Variants in DYRK1A observed in about 807,000 individuals in gnomAD.
DYRK1A encodes dual specificity tyrosine phosphorylation regulated kinase 1A.
In DYRK1A, 9 loss-of-function variants were observed where a neutral mutation model predicts 79.7. The ratio of observed to expected loss-of-function variants is 0.11; its 90% CI spans 0.07 to 0.20. The LOEUF (loss-of-function observed/expected upper bound fraction) is 0.20. Ranked by LOEUF, DYRK1A falls within the 10% of genes least tolerant of loss-of-function variation. DYRK1A has a pLI of 1.00. For synonymous variants in DYRK1A, 349 were observed against 329.7 expected (o/e 1.06, Z -0.63); for missense variants, 622 against 956.0 (o/e 0.65, Z 4.61).
intron 1 of DYRK1A, among the ~76,000 whole-genome samples, chr21:37,399,336 G>C (rs2050013528): frequency 6.6e-6 from 1 of 152,164 alleles, no homozygotes; most frequent in Non-Finnish European, 1.5e-5. Flanking sequence ...TGACAAGAGT[G>C]TGATTGCTGC....
intron 11 of DYRK1A, among the ~76,000 whole-genome samples, 159 bp from the exon 12 acceptor site, chr21:37,511,752 G>T (rs2053754660): frequency 6.6e-6 from 1 of 152,134 alleles, no homozygotes; most frequent in Non-Finnish European, 1.5e-5. Flanking sequence ...ATGTATTTGG[G>T]ATTTTGTGTT....
intron 2 of DYRK1A, among the ~76,000 whole-genome samples, chr21:37,438,014 G>A (rs1428341993): frequency 2.6e-5 from 4 of 152,074 alleles, no homozygotes; most frequent in Non-Finnish European, 5.9e-5. Flanking sequence ...ATATTTGGTG[G>A]TCAGCCTTTT....
At chr21:37,374,845 G>T (rs973122954) in intron 1 of DYRK1A, among the ~76,000 whole-genome samples, 1 of 152,206 alleles carries the variant, frequency 6.6e-6, no homozygotes, top group Non-Finnish European at 1.5e-5. Context: ...GAGCCACTGG[G>T]CCTAGCTGGA....
chr21:37,451,365 C>CTCCACCCAT (rs1555970089), intron 2 of DYRK1A, among the ~76,000 whole-genome samples: 1 of 140,476 alleles, frequency 7.1e-6, no homozygotes, highest in Non-Finnish European at 1.6e-5. Context: ...TCCATCCCTC[C>CTCCACCCAT]CTCCCTCCAT....
At chr21:37,382,947 T>G (rs563368177) in intron 1 of DYRK1A, among the ~76,000 whole-genome samples, 3 of 152,228 alleles carry the variant, frequency 2.0e-5, no homozygotes, top group Non-Finnish European at 2.9e-5. Flanking sequence ...GTTCATTAGT[T>G]TTTTTGGATT....
intron 11 of DYRK1A, among the ~76,000 whole-genome samples, chr21:37,508,542 C>T (rs9984718): frequency 4.5e-4 from 69 of 152,356 alleles, no homozygotes; most frequent in South Asian, 1.7e-3. Context: ...CCATCTCGGC[C>T]TCCCAAAGTG....
intron 2 of DYRK1A, among the ~76,000 whole-genome samples, chr21:37,466,348 C>T (rs1463224611): frequency 6.6e-6 from 1 of 151,970 alleles, no homozygotes; most frequent in South Asian, 2.1e-4. Context: ...GATGCATAAT[C>T]TTTTGTAATA....
chr21:37,480,931 T>G, intron 5 of DYRK1A, 105 bp downstream of exon 5: 6 of 871,362 alleles, frequency 6.9e-6, no homozygotes, highest in Non-Finnish European at 1.0e-5. Flanking sequence ...TATTTGCAAA[T>G]AGAGCTCAGC....
intron 1 of DYRK1A, among the ~76,000 whole-genome samples, chr21:37,386,849 C>T (rs572397428): frequency 6.6e-6 from 1 of 152,280 alleles, no homozygotes; most frequent in African/African-American, 2.4e-5. Context: ...TCAGATGCAA[C>T]AGTGCCCATG....
At chr21:37,390,498 A>G (rs746696426) in intron 1 of DYRK1A, among the ~76,000 whole-genome samples, 3 of 152,170 alleles carry the variant, frequency 2.0e-5, no homozygotes, top group Non-Finnish European at 4.4e-5. Context: ...CGTTTTTGGC[A>G]GTTGCCCCCA....
intron 11 of DYRK1A, among the ~76,000 whole-genome samples, chr21:37,509,762 A>G (rs1039620131): frequency 2.6e-5 from 4 of 152,128 alleles, no homozygotes; most frequent in Admixed American, 6.5e-5. Flanking sequence ...TTCATTTCCA[A>G]CCTTTTTTAC....
At chr21:37,426,952 A>G (rs1239623428) in intron 2 of DYRK1A, among the ~76,000 whole-genome samples, 3 of 151,964 alleles carry the variant, frequency 2.0e-5, no homozygotes, top group African/African-American at 7.2e-5. Context: ...AATAACCAAG[A>G]AGAAATGAAG....
chr21:37,383,017 T>C (rs948362967), intron 1 of DYRK1A, among the ~76,000 whole-genome samples: 2 of 152,220 alleles, frequency 1.3e-5, no homozygotes, highest in African/African-American at 4.8e-5. Context: ...TAGGAGTCTT[T>C]GTGAGAGGGA....
intron 2 of DYRK1A, chr21:37,464,257 T>C (rs775308652): frequency 1.5e-5 from 7 of 477,622 alleles, no homozygotes; most frequent in Non-Finnish European, 2.9e-5. Flanking sequence ...TTATGAAATA[T>C]TTCTCTGTAG....
intron 5 of DYRK1A, among the ~76,000 whole-genome samples, chr21:37,483,142 A>C (rs903753465): frequency 2.0e-4 from 30 of 152,216 alleles, no homozygotes; most frequent in Non-Finnish European, 1.3e-4. Context: ...TGATTGGGGA[A>C]GTGATAAGTG....
At chr21:37,415,295 T>A in intron 1 of DYRK1A, among the ~76,000 whole-genome samples, 1 of 152,308 alleles carries the variant, frequency 6.6e-6, no homozygotes, top group South Asian at 2.1e-4. Flanking sequence ...CTAGCCTCTT[T>A]AACACAAATT....
rs924627048 is a variant in DYRK1A, at chr21:37,520,608, G to A, written c.*8077G>A. ...CTATACATGATTTGCATTACAATGG[G>A]CCGTGGATTTGGATGGATGATGAAG... On this transcript the variant is annotated 3_prime_UTR_variant, in exon 12 of 12. Coordinates refer to ENST00000647188, the MANE Select transcript of DYRK1A (RefSeq NM_001347721.2). 2.0e-5 allele frequency: 3 copies of A among 152,200 alleles called. No individual in the cohort carries two copies. The highest frequency in any genetic ancestry group is 7.2e-5 in the African/African-American group (3 of 41,454). The allele number at this position is 152,200 out of a possible 1,614,324, so 9.4% of individuals were successfully genotyped here.
At chr21:37,478,444 A>G in intron 4 of DYRK1A, 144 bp downstream of exon 4, 1 of 615,224 alleles carries the variant, frequency 1.6e-6, no homozygotes. Context: ...TTTAGAAATA[A>G]TATTACAATT....
At chr21:37,509,259 A>G (rs2053685498) in intron 11 of DYRK1A, among the ~76,000 whole-genome samples, 5 of 152,218 alleles carry the variant, frequency 3.3e-5, no homozygotes, top group Admixed American at 3.3e-4. Context: ...CTTTGTACAC[A>G]AATAGTACCA....
Sources: gnomAD v4.1 joint callset for allele counts (sites outside exome capture counted in the v4.1 genomes callset) on GRCh38, gnomAD v4.1.1 for gene constraint, MANE v1.5 for transcripts, NCBI Gene and HGNC (gene_info 2026-07-23, HGNC 2026-07-21) for gene names.